Variants in NDUFA10 observed in about 807,000 individuals in gnomAD.
NDUFA10 encodes NADH:ubiquinone oxidoreductase subunit A10, also known as NADH dehydrogenase [ubiquinone] 1 alpha subcomplex subunit 10, mitochondrial.
NDUFA10 carries 40 observed loss-of-function variants against 47.8 expected under a neutral mutation model. That is an observed-to-expected ratio of 0.84 (90% CI 0.65 to 1.09). The LOEUF (loss-of-function observed/expected upper bound fraction) is 1.09. NDUFA10 is among the 50% of genes least tolerant of loss of function. NDUFA10 has a pLI of 0.00. For synonymous variants in NDUFA10, 183 were observed against 172.2 expected (o/e 1.06, Z -0.49); for missense variants, 413 against 451.1 (o/e 0.92, Z 0.76).
Position 239,959,839 on chromosome 2 carries a change from GGGAA to G in NDUFA10, c.*1275_*1278del. 1.1e-6 allele frequency: 1 copy of G among 945,380 alleles called. No individual in the cohort carries two copies. Among genetic ancestry groups the G allele is most frequent in the Non-Finnish European group, 1.3e-6 (1 of 793,672 alleles). The allele number at this position is 945,380 out of a possible 1,614,324, so 58.6% of individuals were successfully genotyped here. On this transcript the variant is annotated 3_prime_UTR_variant, in exon 10 of 10. Transcript: ENST00000252711. The stretch of plus-strand genomic sequence containing the variant: ...GGAGGGAAGGAGGAGGAAAGAAGGA[GGGAA>G]GGAAGGGGAGAGGGAAAAAGGCAGG...
chr2:239,915,615 TACAC>T (rs1231709444), intron 4 of NDUFA10, among the ~76,000 whole-genome samples: 1 of 117,346 alleles, frequency 8.5e-6, no homozygotes, highest in Non-Finnish European at 1.8e-5. Flanking sequence ...CACACACACA[TACAC>T]AGACACACAC....
At chr2:239,977,083 G>A (rs1695553328) in intron 9 of NDUFA10, among the ~76,000 whole-genome samples, 2 of 152,228 alleles carry the variant, frequency 1.3e-5, no homozygotes, top group Non-Finnish European at 2.9e-5. Context: ...ACCTTCCCCC[G>A]CCAAGCAGAT....
rs11695670 is a variant in NDUFA10, at chr2:239,923,199, A to G, written c.295-27885T>C. On this transcript the variant is annotated intron_variant, in intron 4 of 5. Coordinates refer to the NDUFA10 transcript ENST00000419408. The stretch of plus-strand genomic sequence containing the variant: ...ACAAAAACTGAAAGTAGAAATAGAC[A>G]AATCCACAAATAAACTTGTAGACTT... Among the ~76,000 whole-genome samples, 1,211 of 152,366 alleles carry G rather than the reference A, an allele frequency of 7.9e-3. 7 individuals carry two copies. The highest frequency in any genetic ancestry group is 0.012 in the Non-Finnish European group (842 of 68,036).
chr2:239,961,649 G>A (rs1003096300), intron 9 of NDUFA10, among the ~76,000 whole-genome samples: 8 of 152,334 alleles, frequency 5.3e-5, no homozygotes, highest in African/African-American at 1.4e-4. Flanking sequence ...TGCAGAGGCC[G>A]GGCCGCTGGC....
At chr2:239,939,032 C>A (rs1035620171) in intron 4 of NDUFA10, among the ~76,000 whole-genome samples, 23 of 152,360 alleles carry the variant, frequency 1.5e-4, no homozygotes, top group Middle Eastern at 3.4e-3. Context: ...CGGAAAGACG[C>A]TGCCTCAGGA....
At chr2:239,964,617 G>C (rs541477057) in intron 9 of NDUFA10, among the ~76,000 whole-genome samples, 1 of 152,292 alleles carries the variant, frequency 6.6e-6, no homozygotes, top group African/African-American at 2.4e-5. Flanking sequence ...ATGCAGGAGA[G>C]TGTGGGTCAA....
intron 8 of NDUFA10, among the ~76,000 whole-genome samples, chr2:239,995,032 T>C (rs1696410101): frequency 6.6e-6 from 1 of 152,202 alleles, no homozygotes; most frequent in African/African-American, 2.4e-5. Flanking sequence ...CTCAGCACTT[T>C]GGGAGGCCAG....
chr2:239,931,089 A>G (rs1278718064), intron 4 of NDUFA10, among the ~76,000 whole-genome samples: 1 of 152,182 alleles, frequency 6.6e-6, no homozygotes, highest in Non-Finnish European at 1.5e-5. Context: ...TTGATTTGCT[A>G]AATTGAGTGC....
intron 4 of NDUFA10, among the ~76,000 whole-genome samples, chr2:239,896,269 C>T (rs1693394626): frequency 6.6e-6 from 1 of 152,252 alleles, no homozygotes; most frequent in African/African-American, 2.4e-5. Flanking sequence ...CCCTGCTGTG[C>T]AGTGCTTCCA....
chr2:240,002,245 C>A (rs1162208889), intron 8 of NDUFA10, among the ~76,000 whole-genome samples: 3 of 148,172 alleles, frequency 2.0e-5, no homozygotes, highest in Non-Finnish European at 3.0e-5. Context: ...GCAGGAGAAT[C>A]GCCTGAACCA....
At chr2:239,930,616 G>C (rs1313125662) in intron 4 of NDUFA10, among the ~76,000 whole-genome samples, 2 of 152,116 alleles carry the variant, frequency 1.3e-5, no homozygotes, top group African/African-American at 2.4e-5. Context: ...CGGCCAATCA[G>C]TGGTGAGCAC....
chr2:239,981,254 GC>G (rs1291354672), intron 9 of NDUFA10, among the ~76,000 whole-genome samples: 3 of 152,174 alleles, frequency 2.0e-5, no homozygotes, highest in Non-Finnish European at 2.9e-5. Context: ...CTCACCAAAT[GC>G]CCATGGATGG....
rs1437899436 is a variant in NDUFA10, at chr2:239,957,508, G to C, written c.*3610C>G. ...TTAAAGATAAAAAGTGTTCACTTGT[G>C]AAAAATTTACTATTAAAATAATTTT... On this transcript the variant is annotated 3_prime_UTR_variant, in exon 10 of 10. Coordinates refer to ENST00000252711, the MANE Select transcript of NDUFA10 (RefSeq NM_004544.4). The C allele has an allele frequency of 6.6e-6, 1 of 152,132 alleles. No homozygotes were observed. The highest frequency in any genetic ancestry group is 1.5e-5 in the Non-Finnish European group (1 of 68,020). The allele number at this position is 152,132 out of a possible 1,614,324, so 9.4% of individuals were successfully genotyped here. A position where few individuals can be genotyped will look rare whatever the true frequency, so the allele number is the denominator to read the frequency against.
chr2:239,983,567 G>C (rs1695874445), intron 9 of NDUFA10: 1 of 1,599,462 alleles, frequency 6.3e-7, no homozygotes, highest in Non-Finnish European at 8.5e-7. Context: ...TCTGGAAAGA[G>C]GAAGAGCAGC....
At chr2:239,966,494 C>A (rs568667222) in intron 9 of NDUFA10, among the ~76,000 whole-genome samples, 1 of 152,274 alleles carries the variant, frequency 6.6e-6, no homozygotes, top group Non-Finnish European at 1.5e-5. Context: ...CCGGAAAACC[C>A]CACAGGACCG....
At chr2:239,970,516 T>A (rs755167864) in intron 9 of NDUFA10, among the ~76,000 whole-genome samples, 1 of 152,224 alleles carries the variant, frequency 6.6e-6, no homozygotes, top group African/African-American at 2.4e-5. Flanking sequence ...GACTAAAAAA[T>A]TGTTTCAATC....
rs115752282 is a variant in NDUFA10 at position 239,950,695 on chromosome 2, C to T, written c.294+39379G>A. On this transcript the variant is annotated intron_variant, in intron 4 of 5. Transcript: ENST00000419408. ...ATAGGAGCTTGGGGCGGTGTAAGGG[C>T]CTGTGCATGTCACATGGCCACCACG... is the stretch of plus-strand genomic sequence containing the variant. Among the ~76,000 whole-genome samples, 482 of 152,330 alleles carry T rather than the reference C, an allele frequency of 3.2e-3. 2 individuals are homozygous for T. The highest frequency in any genetic ancestry group is 0.011 in the African/African-American group (457 of 41,582).
At chr2:239,893,511 C>G (rs754518417) in intron 5 of NDUFA10, among the ~76,000 whole-genome samples, 1 of 152,208 alleles carries the variant, frequency 6.6e-6, no homozygotes, top group Non-Finnish European at 1.5e-5. Flanking sequence ...AGTCCAAGAT[C>G]AGGGTAGGTC....
At chr2:239,988,275 A>C (rs1696087247) in intron 9 of NDUFA10, among the ~76,000 whole-genome samples, 1 of 152,200 alleles carries the variant, frequency 6.6e-6, no homozygotes, top group Non-Finnish European at 1.5e-5. Flanking sequence ...TTACAGTAAG[A>C]AGCACCACTA....
Sources: allele counts gnomAD v4.1 joint callset (sites outside exome capture counted in the v4.1 genomes callset), GRCh38; gene constraint gnomAD v4.1.1; transcripts MANE v1.5; gene names NCBI Gene and HGNC (gene_info 2026-07-23, HGNC 2026-07-21).